PTPRD: variants seen among roughly 807,000 people sequenced by gnomAD.
PTPRD encodes the protein receptor-type tyrosine-protein phosphatase delta.
A neutral mutation model predicts 214.5 loss-of-function variants in PTPRD; 34 were observed. The ratio of observed to expected loss-of-function variants is 0.16; its 90% CI spans 0.12 to 0.21. PTPRD has a LOEUF of 0.21. Ranked by LOEUF, PTPRD falls within the 10% of genes least tolerant of loss-of-function variation. PTPRD has a pLI of 1.00. For missense variants in PTPRD, 2,545 were observed against 2,398.7 expected (o/e 1.06, Z -1.27); for synonymous variants, 1,128 against 845.7 (o/e 1.33, Z -5.79).
At chr9:10,238,201 A>G (rs1047036895) in intron 3 of PTPRD, among the ~76,000 whole-genome samples, 3 of 151,738 alleles carry the variant, frequency 2.0e-5, no homozygotes, top group African/African-American at 7.3e-5. Flanking sequence ...AAGAAAAAGC[A>G]CTCAGGGCAC....
At position 8,485,802 on chromosome 9, in the gene PTPRD, A is replaced by G. The variant is rs780321573; in HGVS notation, c.3015T>C (p.Tyr1005=). The G allele has an allele frequency of 6.2e-6, 10 of 1,613,716 alleles. No homozygotes were observed. Among genetic ancestry groups the G allele is most frequent in the Non-Finnish European group, 8.5e-6 (10 of 1,179,990 alleles). ...RAHTSKGPGP[Y]SPSVQFRTLP... ...GTGTCCTGAACTGGACACTGGGACT[A>G]TATGGCCCGGGCCCTTTGCTCGTAT... Residue 1005 remains tyrosine, a synonymous_variant, in exon 28 of 46, where the codon TAT becomes TAC. Coordinates refer to ENST00000381196, the MANE Select transcript of PTPRD (RefSeq NM_002839.4).
At chr9:9,840,575 A>G (rs1003153535) in intron 5 of PTPRD, among the ~76,000 whole-genome samples, 1 of 151,936 alleles carries the variant, frequency 6.6e-6, no homozygotes, top group Non-Finnish European at 1.5e-5. Context: ...ATTGTATTAG[A>G]AAAACAAAAT....
intron 10 of PTPRD, among the ~76,000 whole-genome samples, chr9:9,053,061 T>C (rs1237058613): frequency 6.6e-6 from 1 of 152,194 alleles, no homozygotes; most frequent in Non-Finnish European, 1.5e-5. Flanking sequence ...TTTTTTCCTA[T>C]AGAACAATAA....
chr9:9,358,168 T>A, intron 9 of PTPRD, among the ~76,000 whole-genome samples: 1 of 151,330 alleles, frequency 6.6e-6, no homozygotes, highest in East Asian at 1.9e-4. Context: ...TTTGCATTGC[T>A]GTTCAAAGGT....
chr9:10,169,950 G>A (rs1419780213), intron 3 of PTPRD, among the ~76,000 whole-genome samples: 1 of 152,114 alleles, frequency 6.6e-6, no homozygotes, highest in African/African-American at 2.4e-5. Flanking sequence ...ATTCAAATAA[G>A]AAAAGATAAA....
At chr9:10,057,225 G>A (rs2097669458) in intron 3 of PTPRD, among the ~76,000 whole-genome samples, 1 of 152,092 alleles carries the variant, frequency 6.6e-6, no homozygotes, top group African/African-American at 2.4e-5. Flanking sequence ...CATTTGCATT[G>A]ATATCAAACA....
chr9:9,485,830 T>G (rs2147327839), intron 8 of PTPRD, among the ~76,000 whole-genome samples: 1 of 152,198 alleles, frequency 6.6e-6, no homozygotes, highest in Non-Finnish European at 1.5e-5. Context: ...ACCCTTCCCA[T>G]CAGTGTCTAT....
At chr9:10,452,975 C>G (rs1194302529) in intron 2 of PTPRD, among the ~76,000 whole-genome samples, 1 of 151,416 alleles carries the variant, frequency 6.6e-6, no homozygotes. Flanking sequence ...TTTAGAGATC[C>G]TTAATCCATT....
chr9:8,530,067 T>C (rs2075290102), intron 14 of PTPRD, among the ~76,000 whole-genome samples: 1 of 152,032 alleles, frequency 6.6e-6, no homozygotes, highest in South Asian at 2.1e-4. Context: ...TCGCTTCTCC[T>C]TGGGTGCCTC....
At chr9:8,815,493 G>T (rs1339994686) in intron 11 of PTPRD, among the ~76,000 whole-genome samples, 1 of 152,146 alleles carries the variant, frequency 6.6e-6, no homozygotes, top group African/African-American at 2.4e-5. Context: ...GCATCCATTA[G>T]CAGTTACAAA....
intron 9 of PTPRD, among the ~76,000 whole-genome samples, chr9:9,377,069 T>C (rs778923194): frequency 2.0e-5 from 3 of 152,038 alleles, no homozygotes; most frequent in Non-Finnish European, 4.4e-5. Context: ...AGAATTGATG[T>C]TGGCTATGGC....
intron 10 of PTPRD, among the ~76,000 whole-genome samples, chr9:9,145,806 A>G (rs1252662529): frequency 6.6e-6 from 1 of 152,186 alleles, no homozygotes; most frequent in African/African-American, 2.4e-5. Context: ...AATTCATAGG[A>G]TGTTCTAGTA....
chr9:9,978,520 G>A (rs1427988070), intron 4 of PTPRD, among the ~76,000 whole-genome samples: 2 of 151,460 alleles, frequency 1.3e-5, no homozygotes, highest in Non-Finnish European at 2.9e-5. Context: ...AATAAATGAA[G>A]GTAAAATTTA....
rs144383515 is a variant in PTPRD at position 10,461,977 on chromosome 9, A to C, written c.-599-120960T>G. On this transcript the variant is annotated intron_variant, in intron 2 of 45. Transcript: ENST00000381196. ...GATCAAATATATAGAGATGGAAAAT[A>C]AAATACTGGTTACCAGGGTCAGGCT... Among the ~76,000 whole-genome samples the C allele has an allele frequency of 7.2e-3, 1,095 of 152,264 alleles. 14 individuals carry two copies. The highest frequency in any genetic ancestry group is 0.025 in the African/African-American group (1,038 of 41,552).
At chr9:9,912,562 T>G (rs1346583459) in intron 5 of PTPRD, among the ~76,000 whole-genome samples, 1 of 152,162 alleles carries the variant, frequency 6.6e-6, no homozygotes, top group Admixed American at 6.6e-5. Context: ...GTAATGAAGC[T>G]CCCCTGAGAG....
At chr9:10,301,517 T>A (rs200762316) in intron 3 of PTPRD, among the ~76,000 whole-genome samples, 2 of 152,250 alleles carry the variant, frequency 1.3e-5, no homozygotes, top group South Asian at 4.2e-4. Flanking sequence ...AGCTAAGAAC[T>A]TTGACAAAAG....
intron 7 of PTPRD, among the ~76,000 whole-genome samples, chr9:9,720,382 G>C (rs2097914305): frequency 6.6e-6 from 1 of 152,132 alleles, no homozygotes; most frequent in African/African-American, 2.4e-5. Flanking sequence ...GTTTACTGGA[G>C]AAAAATATCA....
chr9:9,191,361 A>G (rs1259772712), intron 9 of PTPRD, among the ~76,000 whole-genome samples: 1 of 151,714 alleles, frequency 6.6e-6, no homozygotes, highest in Non-Finnish European at 1.5e-5. Flanking sequence ...ATCTTCTTTC[A>G]TTTGGTCCTT....
chr9:9,264,972 G>A (rs138822128), intron 9 of PTPRD, among the ~76,000 whole-genome samples: 43 of 151,066 alleles, frequency 2.8e-4, no homozygotes, highest in African/African-American at 1.0e-3. Flanking sequence ...AAAAGATAGA[G>A]TTTCACAGAC....
Sources: allele counts gnomAD v4.1 joint callset (sites outside exome capture counted in the v4.1 genomes callset), GRCh38; gene constraint gnomAD v4.1.1; transcripts MANE v1.5; gene names NCBI Gene and HGNC (gene_info 2026-07-23, HGNC 2026-07-21).